TIAM1: variants seen among roughly 807,000 people sequenced by gnomAD.
The protein encoded by TIAM1 is rho guanine nucleotide exchange factor TIAM1.
In TIAM1, 65 loss-of-function variants were observed where a neutral mutation model predicts 163.5. The ratio of observed to expected loss-of-function variants is 0.40; its 90% CI spans 0.33 to 0.49. TIAM1 has a LOEUF of 0.49. TIAM1 is among the 20% of genes least tolerant of loss of function. The probability of loss-of-function intolerance (pLI) is 0.77; values close to 1 mark genes in which losing one functional copy is unlikely to be tolerated. For synonymous variants in TIAM1, 833 were observed against 810.1 expected (o/e 1.03, Z -0.48); for missense variants, 1,789 against 2,044.7 (o/e 0.87, Z 2.41).
At chr21:31,265,414 A>G (rs1227179015) in intron 4 of TIAM1, among the ~76,000 whole-genome samples, 6 of 151,762 alleles carry the variant, frequency 4.0e-5, no homozygotes, top group African/African-American at 1.2e-4. Flanking sequence ...ATTGGAAGCC[A>G]CCCATGTTAT....
At chr21:31,500,886 T>C (rs2046825379) in intron 1 of TIAM1, among the ~76,000 whole-genome samples, 1 of 152,202 alleles carries the variant, frequency 6.6e-6, no homozygotes, top group Non-Finnish European at 1.5e-5. Context: ...TACCAGTTTG[T>C]GCTATGTTAT....
At chr21:31,264,875 G>A (rs1393633638) in intron 4 of TIAM1, among the ~76,000 whole-genome samples, 1 of 152,160 alleles carries the variant, frequency 6.6e-6, no homozygotes, top group Non-Finnish European at 1.5e-5. Flanking sequence ...GACCCAGTCT[G>A]GAATTTTAAC....
At chr21:31,515,629 A>G (rs1024099640) in intron 1 of TIAM1, among the ~76,000 whole-genome samples, 2 of 152,192 alleles carry the variant, frequency 1.3e-5, no homozygotes, top group African/African-American at 4.8e-5. Flanking sequence ...GAAATCGACA[A>G]CTTTACAGGC....
At chr21:31,467,366 C>T (rs2045569890) in intron 1 of TIAM1, among the ~76,000 whole-genome samples, 1 of 152,078 alleles carries the variant, frequency 6.6e-6, no homozygotes, top group Admixed American at 6.6e-5. Flanking sequence ...GGCGCAGTGG[C>T]TCACACCTGT....
Position 31,192,565 on chromosome 21 carries a change from C to T in TIAM1, c.2575+2659G>A, listed in dbSNP as rs965102432. Among the ~76,000 whole-genome samples, 4 of 151,970 alleles carry T rather than the reference C, an allele frequency of 2.6e-5. No individual in the cohort carries two copies. The East Asian group carries it at 7.7e-4, about 29-fold the overall frequency. On this transcript the variant is annotated intron_variant, in intron 13 of 27. Transcript: ENST00000541036. ...GGCAGAGGTTGGAGTGAGCTGAGAT[C>T]GCGCCACTGCACTTCAGCCTGGGCG...
In TIAM1 at chr21:31,133,992, T is replaced by G. The variant is rs1278527440; in HGVS notation, c.3883+1941A>C. On this transcript the variant is annotated intron_variant, in intron 23 of 27. Transcript: ENST00000541036. ...CTGAGACAGGACAATCGCTTGAACCTGGGAGGCAGAGGTTGCAGTGAGCCG... is the reference window on the plus strand; with the variant it reads ...CTGAGACAGGACAATCGCTTGAACCGGGGAGGCAGAGGTTGCAGTGAGCCG... 2.0e-5 allele frequency among the ~76,000 whole-genome samples: 3 copies of G among 151,956 alleles called. No individual in the cohort carries two copies. The East Asian group carries it at 5.8e-4, about 29-fold the overall frequency.
intron 15 of TIAM1, among the ~76,000 whole-genome samples, chr21:31,176,431 C>G (rs927134580): frequency 6.6e-6 from 1 of 151,452 alleles, no homozygotes; most frequent in Non-Finnish European, 1.5e-5. Context: ...AAAAAAAAAA[C>G]CAAAACAGAT....
rs544704233 is a variant in TIAM1 at position 31,135,811 on chromosome 21, C to G, written c.3883+122G>C. On this transcript the variant is annotated intron_variant, in intron 23 of 27. Coordinates refer to ENST00000541036, the MANE Select transcript of TIAM1 (RefSeq NM_001353694.2). ...GATGTTGGTGGCTACGGCAGGAAGACCGATTCAAGTAACTGCAATTAACTT... is the reference window on the plus strand; with the variant it reads ...GATGTTGGTGGCTACGGCAGGAAGAGCGATTCAAGTAACTGCAATTAACTT... The G allele has an allele frequency of 1.0e-5, 9 of 863,874 alleles. No individual in the cohort carries two copies. In the East Asian group the frequency reaches 1.9e-4, roughly 18 times the overall value. 53.5% of individuals were successfully genotyped at this position (863,874 alleles called of 1,614,324 possible).
At chr21:31,231,189 G>A (rs1287633722) in intron 6 of TIAM1, among the ~76,000 whole-genome samples, 2 of 152,190 alleles carry the variant, frequency 1.3e-5, no homozygotes, top group Non-Finnish European at 2.9e-5. Context: ...AGTCTAGGAT[G>A]AGTACGGCTC....
At chr21:31,149,528 CA>C (rs2083285266) in intron 19 of TIAM1, among the ~76,000 whole-genome samples, 1 of 152,162 alleles carries the variant, frequency 6.6e-6, no homozygotes, top group Admixed American at 6.5e-5. Context: ...AAGTCTATAT[CA>C]AAGTTCTGGT....
chr21:31,326,040 C>T (rs1248936528), intron 2 of TIAM1, among the ~76,000 whole-genome samples: 1 of 152,180 alleles, frequency 6.6e-6, no homozygotes, highest in African/African-American at 2.4e-5. Flanking sequence ...CCTGCTGAGG[C>T]CTCTGCTTTT....
At chr21:31,154,211 G>A in intron 17 of TIAM1, 36 bp downstream of exon 17, 1 of 1,603,316 alleles carries the variant, frequency 6.2e-7, no homozygotes, top group East Asian at 2.2e-5. Context: ...CCTTTACGAG[G>A]CAGAGGGAGG....
chr21:31,222,701 ATATATATTTTTTTT>A (rs1278826947), intron 8 of TIAM1, among the ~76,000 whole-genome samples: 18 of 46,410 alleles, frequency 3.9e-4, no homozygotes, highest in Admixed American at 1.0e-3. Flanking sequence ...ATATATATAT[ATATATATTTTTTTT>A]TTTTTTTTTT....
At chr21:31,489,254 C>T (rs1340375940) in intron 1 of TIAM1, among the ~76,000 whole-genome samples, 1 of 149,502 alleles carries the variant, frequency 6.7e-6, no homozygotes. Context: ...CCCACAGTCC[C>T]AGCTACTTGG....
At chr21:31,407,756 CTCCAG>C (rs1313238529) in intron 2 of TIAM1, among the ~76,000 whole-genome samples, 1 of 151,464 alleles carries the variant, frequency 6.6e-6, no homozygotes, top group African/African-American at 2.4e-5. Flanking sequence ...CTGCCTCAGC[CTCCAG>C]AGTAGCTGAT....
In TIAM1 at chr21:31,195,233, C is replaced by T; in HGVS notation, c.2566G>A (p.Asp856Asn). 6.2e-7 allele frequency: 1 copy of T among 1,611,750 alleles called. No homozygotes were observed. Among genetic ancestry groups the T allele is most frequent in the Non-Finnish European group, 8.5e-7 (1 of 1,178,138 alleles). Residue 856 changes from aspartate to asparagine, a missense_variant, in exon 13 of 28, where the codon GAT (aspartate) becomes AAT (asparagine). Coordinates refer to ENST00000541036, the MANE Select transcript of TIAM1 (RefSeq NM_001353694.2). The stretch of plus-strand genomic sequence containing the variant: ...AGAAAAATAAACTTACCGTAAGTAT[C>T]AGCAGCTGTATCTGACTTCTCAATG... ...IHIEKSDTAA[D>N]TYGFSLSSVE...
Position 31,187,692 on chromosome 21 carries a change from C to T in TIAM1, c.2576-605G>A, listed in dbSNP as rs193211751. Among the ~76,000 whole-genome samples, 629 of 152,184 alleles carry T rather than the reference C, an allele frequency of 4.1e-3. 7 individuals are homozygous for T. Among genetic ancestry groups the T allele is most frequent in the African/African-American group, 0.014 (582 of 41,524 alleles). Reference sequence around the variant, plus strand: ...TTCTCTGGGCTCCCAGAGCTCAAAGCCAACTTGCTAATTAACCCTGGGCTC... The same window carrying T: ...TTCTCTGGGCTCCCAGAGCTCAAAGTCAACTTGCTAATTAACCCTGGGCTC... On this transcript the variant is annotated intron_variant, in intron 13 of 27. Transcript: ENST00000541036.
intron 2 of TIAM1, among the ~76,000 whole-genome samples, chr21:31,457,080 T>C (rs990823405): frequency 6.6e-6 from 1 of 152,212 alleles, no homozygotes; most frequent in African/African-American, 2.4e-5. Flanking sequence ...CCCTTTTTAC[T>C]GACTCCCCAT....
chr21:31,213,256 C>A, intron 10 of TIAM1, 142 bp downstream of exon 10: 1 of 648,348 alleles, frequency 1.5e-6, no homozygotes. Context: ...CTCTTGTTGA[C>A]TTATTACATA....
Sources: allele counts gnomAD v4.1 joint callset (sites outside exome capture counted in the v4.1 genomes callset), GRCh38; gene constraint gnomAD v4.1.1; transcripts MANE v1.5; gene names NCBI Gene and HGNC (gene_info 2026-07-23, HGNC 2026-07-21).